Variants in WDR7 observed in about 807,000 individuals in gnomAD.
The protein encoded by WDR7 is WD repeat domain 7.
WDR7 carries 46 observed loss-of-function variants against 169.4 expected under a neutral mutation model. The observed-to-expected ratio is 0.27, with a 90% confidence interval of 0.21 to 0.35. The LOEUF is 0.35. Among genes scored for constraint, WDR7 ranks in the 10% least tolerant of loss-of-function variants. The pLI, the probability that WDR7 is intolerant of heterozygous loss-of-function variation, is 1.00. For synonymous variants in WDR7, 612 were observed against 666.8 expected, an observed-to-expected ratio of 0.92 and a Z score of 1.27; for missense variants, 1,534 against 1,859.3, an observed-to-expected ratio of 0.83 and a Z score of 3.22.
intron 21 of WDR7, among the ~76,000 whole-genome samples, chr18:56,903,136 C>A (rs1271385599): frequency 6.6e-6 from 1 of 152,224 alleles, no homozygotes; most frequent in Non-Finnish European, 1.5e-5. Flanking sequence ...TAATAGCAAC[C>A]TTGCCTAAAA....
intron 13 of WDR7, among the ~76,000 whole-genome samples, chr18:56,720,097 A>G (rs1172345428): frequency 1.3e-5 from 2 of 152,208 alleles, no homozygotes; most frequent in Non-Finnish European, 2.9e-5. Context: ...GGGAATTAGT[A>G]TTAAAGAAAG....
At chr18:56,741,541 C>T (rs1205615042) in intron 14 of WDR7, among the ~76,000 whole-genome samples, 1 of 152,166 alleles carries the variant, frequency 6.6e-6, no homozygotes, top group East Asian at 1.9e-4. Context: ...ATAGGACTCA[C>T]ACACGTAGAA....
chr18:56,738,335 C>T (rs568001299), intron 14 of WDR7, among the ~76,000 whole-genome samples: 92 of 152,094 alleles, frequency 6.0e-4, no homozygotes, highest in African/African-American at 2.0e-3. Context: ...ATTGGGAGGC[C>T]GAGGTAGGCG....
chr18:56,912,026 T>C (rs954005456), intron 21 of WDR7, among the ~76,000 whole-genome samples: 9 of 152,200 alleles, frequency 5.9e-5, no homozygotes, highest in Non-Finnish European at 1.0e-4. Context: ...GGGAGGTACA[T>C]TGACACCATC....
At chr18:57,009,542 T>C (rs1359230172) in intron 26 of WDR7, among the ~76,000 whole-genome samples, 3 of 152,192 alleles carry the variant, frequency 2.0e-5, no homozygotes, top group Non-Finnish European at 4.4e-5. Flanking sequence ...ATTTTTCAGT[T>C]TTAATAAGTG....
intron 1 of WDR7, among the ~76,000 whole-genome samples, chr18:56,662,934 C>A (rs2024936203): frequency 6.6e-6 from 1 of 152,186 alleles, no homozygotes; most frequent in Non-Finnish European, 1.5e-5. Flanking sequence ...ATACAAAATA[C>A]TACAAACTGA....
At chr18:56,974,700 A>G (rs1031938329) in intron 26 of WDR7, among the ~76,000 whole-genome samples, 3 of 152,232 alleles carry the variant, frequency 2.0e-5, no homozygotes, top group African/African-American at 7.2e-5. Flanking sequence ...GTGAAAGTCA[A>G]TTAAGAGAGA....
At chr18:56,802,161 G>A (rs1378274853) in intron 19 of WDR7, among the ~76,000 whole-genome samples, 1 of 152,126 alleles carries the variant, frequency 6.6e-6, no homozygotes, top group Non-Finnish European at 1.5e-5. Context: ...TAATAAGTAT[G>A]TGGTTATATC....
At chr18:56,739,070 A>G (rs2043572687) in intron 14 of WDR7, among the ~76,000 whole-genome samples, 2 of 150,506 alleles carry the variant, frequency 1.3e-5, no homozygotes, top group Admixed American at 1.3e-4. Flanking sequence ...TCTTCTCTTG[A>G]CTATTATGGC....
chr18:56,858,015 A>G (rs1202100894), intron 20 of WDR7, among the ~76,000 whole-genome samples: 1 of 151,970 alleles, frequency 6.6e-6, no homozygotes, highest in African/African-American at 2.4e-5. Flanking sequence ...ATCATTACCT[A>G]TCACCTGACT....
rs552640146 is a variant in WDR7 at position 56,915,875 on chromosome 18, C to T, written c.3527-8047C>T. ...ATTGGTTGCCATTCAATCCAAGTTCCCTTGCCTCTAGCGAGGGACCCTTTG... is the reference window on the plus strand; with the variant it reads ...ATTGGTTGCCATTCAATCCAAGTTCTCTTGCCTCTAGCGAGGGACCCTTTG... On this transcript the variant is annotated intron_variant, in intron 21 of 27. Coordinates refer to ENST00000254442, the MANE Select transcript of WDR7 (RefSeq NM_015285.3). Among the ~76,000 whole-genome samples the T allele has an allele frequency of 2.0e-5, 3 of 152,324 alleles. No individual in the cohort carries two copies. The East Asian group carries it at 5.8e-4, about 29-fold the overall frequency.
At chr18:56,744,199 A>C (rs568214012) in intron 14 of WDR7, among the ~76,000 whole-genome samples, 12 of 140,890 alleles carry the variant, frequency 8.5e-5, no homozygotes, top group Non-Finnish European at 1.8e-4. Flanking sequence ...AGATCGCGCC[A>C]CTGCACTCCA....
intron 26 of WDR7, among the ~76,000 whole-genome samples, chr18:56,973,555 C>G (rs1465192397): frequency 6.6e-6 from 1 of 151,846 alleles, no homozygotes; most frequent in Non-Finnish European, 1.5e-5. Context: ...ATAGAAGAGT[C>G]CTAGTACATT....
At chr18:56,755,122 A>G (rs2043864650) in intron 14 of WDR7, among the ~76,000 whole-genome samples, 1 of 149,640 alleles carries the variant, frequency 6.7e-6, no homozygotes, top group African/African-American at 2.5e-5. Context: ...TGGCAATAGT[A>G]TTATTGCTTT....
At chr18:56,682,593 A>C in intron 4 of WDR7, 86 bp from the exon 5 acceptor site, 2 of 1,427,728 alleles carry the variant, frequency 1.4e-6, no homozygotes. Context: ...AGAATATTGT[A>C]ATAACCTTGA....
At chr18:56,818,025 G>A (rs1236210650) in intron 20 of WDR7, among the ~76,000 whole-genome samples, 1 of 152,184 alleles carries the variant, frequency 6.6e-6, no homozygotes, top group Admixed American at 6.5e-5. Context: ...TTACAGGCAT[G>A]AGCCACTGCA....
At chr18:56,679,291 T>G (rs775349976) in intron 2 of WDR7, 41 bp from the exon 3 acceptor site, 1 of 1,534,394 alleles carries the variant, frequency 6.5e-7, no homozygotes, top group South Asian at 1.1e-5. Flanking sequence ...AGGTTAATTT[T>G]TAAGTTTGGT....
chr18:56,990,339 G>T (rs1329993040), intron 26 of WDR7, among the ~76,000 whole-genome samples: 1 of 152,218 alleles, frequency 6.6e-6, no homozygotes, highest in East Asian at 1.9e-4. Flanking sequence ...CAGAGGTGCT[G>T]TGGACCAAAA....
intron 2 of WDR7, among the ~76,000 whole-genome samples, chr18:56,677,411 G>A (rs1353013523): frequency 1.3e-5 from 2 of 152,146 alleles, no homozygotes; most frequent in South Asian, 4.1e-4. Context: ...GTGCAGTGGC[G>A]TGATCTCAAC....
Sources: gnomAD v4.1 joint callset for allele counts (sites outside exome capture counted in the v4.1 genomes callset) on GRCh38, gnomAD v4.1.1 for gene constraint, MANE v1.5 for transcripts, NCBI Gene and HGNC (gene_info 2026-07-23, HGNC 2026-07-21) for gene names.